Variants in FARP1 observed in about 807,000 individuals in gnomAD.
FARP1 encodes the protein FERM, ARHGEF and pleckstrin domain-containing protein 1.
FARP1 carries 52 observed loss-of-function variants against 128.8 expected under a neutral mutation model. That is an observed-to-expected ratio of 0.40 (90% CI 0.32 to 0.51). FARP1 has a LOEUF of 0.51. Among genes scored for constraint, FARP1 ranks in the 20% least tolerant of loss-of-function variants. The probability of loss-of-function intolerance (pLI) is 0.45; values close to 1 mark genes in which losing one functional copy is unlikely to be tolerated. For synonymous variants in FARP1, 580 were observed against 551.8 expected (o/e 1.05, Z -0.72); for missense variants, 1,333 against 1,367.9 (o/e 0.97, Z 0.40).
At position 98,440,792 on chromosome 13, in the gene FARP1, C is replaced by T. The variant is rs1373926828; in HGVS notation, c.2752C>T (p.Arg918Cys). The T allele has an allele frequency of 1.9e-5, 30 of 1,612,560 alleles. No individual in the cohort carries two copies. The highest frequency in any genetic ancestry group is 2.3e-5 in the Non-Finnish European group (27 of 1,179,764). The change falls in exon 24 of 27, where the codon CGC becomes TGC. Residue 918 changes from arginine (R) to cysteine (C), a missense_variant. By Grantham distance (180) the Arg-to-Cys change is radical. This residue lies in a region of FARP1 where 1,009 missense variants were observed against 969.8 expected (regional missense o/e 1.04). Coordinates refer to ENST00000319562, the MANE Select transcript of FARP1 (RefSeq NM_005766.4). ...CACAATGGTGCACGTGTGCTGGCAC[C>T]GCAACACCAGCGTCTCCATGGTGGA... ...GNTMVHVCWHRNTSVSMVDFS... is the reference protein window; with the variant it reads ...GNTMVHVCWHCNTSVSMVDFS...
At chr13:98,358,050 T>A (rs2139935763) in intron 3 of FARP1, among the ~76,000 whole-genome samples, 1 of 152,034 alleles carries the variant, frequency 6.6e-6, no homozygotes, top group African/African-American at 2.4e-5. Context: ...CACTAGGCAC[T>A]GTTACCTCTA....
chr13:98,304,112 C>G (rs576760695), intron 2 of FARP1, among the ~76,000 whole-genome samples: 1 of 152,054 alleles, frequency 6.6e-6, no homozygotes, highest in African/African-American at 2.4e-5. Context: ...AAAAACAAAC[C>G]GTGAGCTCCC....
chr13:98,176,087 G>C lies in FARP1; in HGVS notation c.-24+32595G>C. 2 of 1,273,230 alleles carry C rather than the reference G, an allele frequency of 1.6e-6. No homozygotes were observed. The highest frequency in any genetic ancestry group is 2.3e-6 in the Non-Finnish European group (2 of 881,008). The allele number at this position is 1,273,230 out of a possible 1,614,324, so 78.9% of individuals were successfully genotyped here. ...TGGTTACATACTCAGGCATGGGATT[G>C]CAGGAAGACTGTCATCTCTCTCATC... On this transcript the variant is annotated intron_variant, in intron 1 of 26. Transcript: ENST00000319562. This position sits in a 1 kb window ranked among gnomAD's most constrained non-coding sequence, Gnocchi z 6.2.
chr13:98,290,057 T>TA (rs1885377575), intron 2 of FARP1, among the ~76,000 whole-genome samples: 1 of 149,460 alleles, frequency 6.7e-6, no homozygotes, highest in African/African-American at 2.4e-5. Context: ...GATTTATCTT[T>TA]TTTTTTTTTT....
intron 2 of FARP1, among the ~76,000 whole-genome samples, chr13:98,240,429 G>T (rs1410640612): frequency 6.6e-6 from 1 of 152,142 alleles, no homozygotes; most frequent in Non-Finnish European, 1.5e-5. Context: ...ACCTGACTTT[G>T]TTCCCTGCTG....
chr13:98,186,044 C>T (rs576625147), intron 1 of FARP1, among the ~76,000 whole-genome samples: 21 of 152,218 alleles, frequency 1.4e-4, no homozygotes, highest in African/African-American at 4.6e-4. Context: ...CAGTGGTATT[C>T]AGTGCACTCA....
At position 98,453,502 on chromosome 13, in the gene FARP1, A is replaced by G. The variant is rs775028943; in HGVS notation, c.*5185A>G. On this transcript the variant is annotated 3_prime_UTR_variant, in exon 27 of 27. Coordinates refer to ENST00000319562, the MANE Select transcript of FARP1 (RefSeq NM_005766.4). The stretch of plus-strand genomic sequence containing the variant: ...ATCATATCCCTTTTACTTACGATCA[A>G]TTGTCAAAAAGTGAACATTGATCCA... 60 of 371,582 alleles carry G rather than the reference A, an allele frequency of 1.6e-4. No homozygotes were observed. The highest frequency in any genetic ancestry group is 1.1e-3 in the East Asian group (20 of 19,006). The allele number at this position is 371,582 out of a possible 1,614,324, so 23.0% of individuals were successfully genotyped here.
In FARP1 at chr13:98,450,572, G is replaced by C. The variant is rs1489335250; in HGVS notation, c.*2255G>C. 2 of 152,400 alleles carry C rather than the reference G, an allele frequency of 1.3e-5. No individual in the cohort carries two copies. The highest frequency in any genetic ancestry group is 6.5e-5 in the Admixed American group (1 of 15,280). 9.4% of individuals were successfully genotyped at this position (152,400 alleles called of 1,614,324 possible). ...CAGGACACAGCTCAAAAACGCAGGA[G>C]CTACCAGCCACCCAGTCCACGGCCC... On this transcript the variant is annotated 3_prime_UTR_variant, in exon 27 of 27. Transcript: ENST00000319562.
intron 17 of FARP1, 36 bp downstream of exon 17, chr13:98,424,686 C>T (rs769401242): frequency 6.8e-7 from 1 of 1,471,738 alleles, no homozygotes; most frequent in Non-Finnish European, 9.5e-7. Context: ...GCAAGGTTCA[C>T]CAAGGAGAAT....
chr13:98,280,942 C>T (rs1461355566), intron 2 of FARP1, among the ~76,000 whole-genome samples: 1 of 152,100 alleles, frequency 6.6e-6, no homozygotes, highest in African/African-American at 2.4e-5. Context: ...TAAATTTACA[C>T]CTAACATGAT....
At chr13:98,395,597 G>C (rs114699442) in intron 13 of FARP1, 121 bp downstream of exon 13, 1 of 1,193,792 alleles carries the variant, frequency 8.4e-7, no homozygotes, top group Admixed American at 2.4e-5. Flanking sequence ...TCCCGATCCC[G>C]GTCCCGGTCC....
chr13:98,217,911 C>A (rs1881180524), intron 2 of FARP1, among the ~76,000 whole-genome samples: 1 of 152,196 alleles, frequency 6.6e-6, no homozygotes, highest in Non-Finnish European at 1.5e-5. Flanking sequence ...GCTGTCCTAG[C>A]ATAACAAGGG....
At chr13:98,244,898 A>G (rs2282048) in intron 2 of FARP1, 541,015 of 1,412,636 alleles carry the variant, frequency 0.38, 108,510 homozygotes, top group East Asian at 0.65. Flanking sequence ...CCACTCCTAA[A>G]CGGGTCTCCA....
intron 23 of FARP1, 102 bp from the exon 24 acceptor site, chr13:98,440,568 G>C: frequency 8.0e-7 from 1 of 1,249,654 alleles, no homozygotes; most frequent in Non-Finnish European, 1.1e-6. Context: ...ACCACAGGTT[G>C]TGACTGCTGT....
intron 3 of FARP1, among the ~76,000 whole-genome samples, chr13:98,349,273 G>C (rs1888305312): frequency 1.3e-5 from 2 of 152,190 alleles, no homozygotes; most frequent in South Asian, 4.1e-4. Context: ...ACAATGATGA[G>C]CCCAGCAGGT....
rs11479917 is a variant in FARP1 at position 98,385,417 on chromosome 13, C to CAA, written c.612-243_612-242dup. On this transcript the variant is annotated intron_variant, in intron 7 of 26. Coordinates refer to ENST00000319562, the MANE Select transcript of FARP1 (RefSeq NM_005766.4). Reference sequence around the variant, plus strand: ...AAACTCTTTGAGATTCCAAAAAAAACAAAAAAAACAAAAACTGGCTGAGTT... The same window carrying CAA: ...AAACTCTTTGAGATTCCAAAAAAAACAAAAAAAAAACAAAAACTGGCTGAGTT... 9.3e-5 allele frequency among the ~76,000 whole-genome samples: 14 copies of CAA among 151,330 alleles called. No individual in the cohort carries two copies. In the East Asian group the frequency reaches 2.7e-3, roughly 29 times the overall value.
chr13:98,199,487 A>G (rs1372959647), intron 1 of FARP1, among the ~76,000 whole-genome samples: 2 of 152,190 alleles, frequency 1.3e-5, no homozygotes, highest in East Asian at 3.9e-4. Flanking sequence ...GTTAATGGTG[A>G]TGATCTCGAT....
At chr13:98,305,255 C>A (rs1886094606) in intron 2 of FARP1, among the ~76,000 whole-genome samples, 1 of 151,832 alleles carries the variant, frequency 6.6e-6, no homozygotes, top group Admixed American at 6.6e-5. Context: ...CATTTGGGTA[C>A]TCATGCATTT....
chr13:98,196,703 A>G (rs1879587811), intron 1 of FARP1, among the ~76,000 whole-genome samples: 1 of 152,242 alleles, frequency 6.6e-6, no homozygotes, highest in Non-Finnish European at 1.5e-5. Context: ...TCTGGTGGTC[A>G]ACCTGATAGC....
Sources: gnomAD v4.1 joint callset for allele counts (sites outside exome capture counted in the v4.1 genomes callset) on GRCh38, gnomAD v4.1.1 for gene constraint, gnomAD v4.1.1 regional missense constraint, Gnocchi (gnomAD v3.1) non-coding constraint, MANE v1.5 for transcripts, NCBI Gene and HGNC (gene_info 2026-07-23, HGNC 2026-07-21) for gene names.